Variants in MYO18B observed in about 807,000 individuals in gnomAD.
MYO18B encodes the protein myosin XVIIIB, also known as unconventional myosin-XVIIIb.
A neutral mutation model predicts 273.0 loss-of-function variants in MYO18B; 204 were observed. The observed-to-expected ratio is 0.75, with a 90% CI of 0.67 to 0.84. The LOEUF is 0.84. MYO18B is among the 40% of genes least tolerant of loss of function. MYO18B has a pLI of 0.00. For missense variants in MYO18B, 3,212 were observed against 3,287.6 expected (o/e 0.98, Z 0.56); for synonymous variants, 1,330 against 1,305.7 (o/e 1.02, Z -0.40).
intron 33 of MYO18B, among the ~76,000 whole-genome samples, chr22:25,911,268 C>T (rs772902388): frequency 2.6e-5 from 4 of 152,214 alleles, no homozygotes; most frequent in African/African-American, 7.2e-5. Context: ...CAGCCAGGAG[C>T]AATGGATGAG....
At chr22:25,812,285 C>T (rs936564784) in intron 12 of MYO18B, among the ~76,000 whole-genome samples, 2 of 152,124 alleles carry the variant, frequency 1.3e-5, no homozygotes, top group African/African-American at 4.8e-5. Context: ...GACCAGGTGC[C>T]CATCTGGTGG....
intron 34 of MYO18B, among the ~76,000 whole-genome samples, chr22:25,936,845 C>T (rs1488854866): frequency 1.3e-5 from 2 of 151,956 alleles, no homozygotes; most frequent in Non-Finnish European, 2.9e-5. Context: ...TCTAAGGGCA[C>T]GAATCTCATC....
In MYO18B at chr22:26,004,770, T is replaced by A. The variant is rs1426980122; in HGVS notation, c.6385T>A (p.Leu2129Met). 3 of 1,613,944 alleles carry A rather than the reference T, an allele frequency of 1.9e-6. No homozygotes were observed. The South Asian group carries it at 3.3e-5, about 18-fold the overall frequency. ...SQPEGSLQSW[L>M]SCTLSLATDT... is the part of the protein sequence containing the mutation. ...GCCAGAGGGCAGCCTGCAGTCCTGG[T>A]TGAGCTGTACTCTGTCCCTGGCCAC... The change falls in exon 42 of 44, where the codon TTG becomes ATG. Residue 2129 changes from leucine (L) to methionine (M), a missense_variant. Physicochemically the swap from Leu to Met is conservative, Grantham distance 15. Coordinates refer to ENST00000335473, the MANE Select transcript of MYO18B (RefSeq NM_032608.7).
the MYO18B span, among the ~76,000 whole-genome samples, chr22:26,061,781 A>G: frequency 2.2e-4 from 33 of 151,810 alleles, no homozygotes; most frequent in Non-Finnish European, 4.4e-4. Flanking sequence ...TAGAATAATA[A>G]CTCCAACCTC....
chr22:26,033,937 C>T (rs1477112583), downstream of MYO18B, among the ~76,000 whole-genome samples: 2 of 145,906 alleles, frequency 1.4e-5, 1 homozygote, highest in African/African-American at 5.1e-5. Context: ...TTCTTTCCTT[C>T]CTTCCTTCCT....
chr22:25,926,094 A>G (rs1367771883), intron 34 of MYO18B, among the ~76,000 whole-genome samples: 1 of 151,712 alleles, frequency 6.6e-6, no homozygotes, highest in Non-Finnish European at 1.5e-5. Context: ...AGTTCCAGCT[A>G]CTAGGAAGGC....
At chr22:26,001,770 T>C (rs773883171) in intron 40 of MYO18B, among the ~76,000 whole-genome samples, 14 of 152,190 alleles carry the variant, frequency 9.2e-5, no homozygotes, top group Non-Finnish European at 1.9e-4. Context: ...AATGGGTCTC[T>C]AGTGCTGGGG....
chr22:25,973,038 G>A (rs1375269606), intron 39 of MYO18B, among the ~76,000 whole-genome samples: 1 of 151,304 alleles, frequency 6.6e-6, no homozygotes, highest in Non-Finnish European at 1.5e-5. Context: ...ATTTAGCTAT[G>A]GTTCCTGCCT....
Position 25,955,829 on chromosome 22 carries a change from A to C in MYO18B, c.6156+465A>C, listed in dbSNP as rs139735483. On this transcript the variant is annotated intron_variant, in intron 39 of 43. Transcript: ENST00000335473. The stretch of plus-strand genomic sequence containing the variant: ...ATGAGGACAAACCGAGCCTTCCAGA[A>C]GGGGAGATGACTAGTCTAAGGCCAC... 5.4e-3 allele frequency among the ~76,000 whole-genome samples: 827 copies of C among 152,306 alleles called. 9 individuals are homozygous for C. The highest frequency in any genetic ancestry group is 0.022 in the South Asian group (105 of 4,818).
chr22:25,757,206 T>C (rs1417272359), intron 1 of MYO18B, among the ~76,000 whole-genome samples: 1 of 152,202 alleles, frequency 6.6e-6, no homozygotes, highest in African/African-American at 2.4e-5. Flanking sequence ...TGCATGTCCA[T>C]TCAATACTTT....
chr22:25,776,101 GT>G (rs1263738161), intron 7 of MYO18B, among the ~76,000 whole-genome samples: 1 of 152,082 alleles, frequency 6.6e-6, no homozygotes, highest in Non-Finnish European at 1.5e-5. Flanking sequence ...TGTCCCTATA[GT>G]TTTACCTTAA....
intron 25 of MYO18B, among the ~76,000 whole-genome samples, chr22:25,888,476 G>A (rs1434537276): frequency 6.6e-6 from 1 of 152,120 alleles, no homozygotes; most frequent in Non-Finnish European, 1.5e-5. Flanking sequence ...TGCCCAGGCT[G>A]GTCTTGAACT....
chr22:25,787,518 A>G (rs1355038534), intron 11 of MYO18B, among the ~76,000 whole-genome samples: 1 of 152,150 alleles, frequency 6.6e-6, no homozygotes, highest in Non-Finnish European at 1.5e-5. Context: ...CTGGGGGCTA[A>G]TCTACTTGTC....
intron 6 of MYO18B, 48 bp from the exon 7 acceptor site, chr22:25,772,286 G>A (rs866741329): frequency 6.4e-7 from 1 of 1,574,086 alleles, no homozygotes; most frequent in East Asian, 2.3e-5. Context: ...GGGGCAGGGG[G>A]CCAGAAGGCC....
intron 34 of MYO18B, among the ~76,000 whole-genome samples, chr22:25,935,140 G>GTACAGGAAAAGTGAGT (rs2092560395): frequency 6.6e-6 from 1 of 152,200 alleles, no homozygotes; most frequent in Non-Finnish European, 1.5e-5. Flanking sequence ...ACCAGGCCTG[G>GTACAGGAAAAGTGAGT]TACAGGAAAA....
intron 27 of MYO18B, 156 bp from the exon 28 acceptor site, chr22:25,895,000 A>T: frequency 1.2e-6 from 1 of 859,680 alleles, no homozygotes; most frequent in Non-Finnish European, 1.7e-6. Flanking sequence ...ACTCAGAGTT[A>T]AAGCATAGTT....
chr22:25,991,828 T>A (rs2093273414), intron 39 of MYO18B, among the ~76,000 whole-genome samples: 1 of 152,210 alleles, frequency 6.6e-6, no homozygotes, highest in Non-Finnish European at 1.5e-5. Flanking sequence ...CGCGCTTGCC[T>A]GTTCTGGAGG....
intron 39 of MYO18B, among the ~76,000 whole-genome samples, chr22:25,956,039 G>C (rs1253261650): frequency 6.6e-6 from 1 of 152,128 alleles, no homozygotes. Context: ...CCCTTAAAAA[G>C]GTGGGGAAAC....
At chr22:26,001,913 A>G (rs1175689616) in intron 40 of MYO18B, among the ~76,000 whole-genome samples, 1 of 152,246 alleles carries the variant, frequency 6.6e-6, no homozygotes, top group Non-Finnish European at 1.5e-5. Context: ...TGGGCTATAA[A>G]GACTTTCCTG....
Sources: gnomAD v4.1 joint callset for allele counts (sites outside exome capture counted in the v4.1 genomes callset) on GRCh38, gnomAD v4.1.1 for gene constraint, MANE v1.5 for transcripts, NCBI Gene and HGNC (gene_info 2026-07-23, HGNC 2026-07-21) for gene names.